UHRF2: variants seen among roughly 807,000 people sequenced by gnomAD.
UHRF2 encodes E3 ubiquitin-protein ligase UHRF2.
UHRF2 carries 23 observed loss-of-function variants against 96.8 expected under a neutral mutation model. The observed-to-expected ratio is 0.24, with a 90% CI of 0.17 to 0.34. UHRF2 has a LOEUF of 0.34. Ranked by LOEUF, UHRF2 falls within the 10% of genes least tolerant of loss-of-function variation. The pLI, the probability that UHRF2 is intolerant of heterozygous loss-of-function variation, is 1.00. For missense variants in UHRF2, 685 were observed against 981.5 expected (o/e 0.70, Z 4.04); for synonymous variants, 385 against 332.6 (o/e 1.16, Z -1.72).
chr9:6,497,686 A>G (rs146800305), intron 11 of UHRF2, among the ~76,000 whole-genome samples: 2,201 of 152,212 alleles, frequency 0.014, 46 homozygotes, highest in African/African-American at 0.049. Context: ...TTTAGTTGTA[A>G]TAGATTTTCA....
chr9:6,459,980 A>G (rs1486132771), intron 3 of UHRF2, among the ~76,000 whole-genome samples: 1 of 152,158 alleles, frequency 6.6e-6, no homozygotes, highest in African/African-American at 2.4e-5. Flanking sequence ...CTCAGAAACC[A>G]AAACAAAACT....
chr9:6,462,045 T>TTC (rs1003683396), intron 4 of UHRF2, among the ~76,000 whole-genome samples: 206 of 151,926 alleles, frequency 1.4e-3, no homozygotes, highest in African/African-American at 4.7e-3. Context: ...TTGTGTCAAG[T>TTC]TCTGATTAAC....
chr9:6,493,195 G>A (rs962226065), intron 9 of UHRF2, among the ~76,000 whole-genome samples: 1 of 152,082 alleles, frequency 6.6e-6, no homozygotes, highest in Admixed American at 6.6e-5. Flanking sequence ...CTGCTTGGGA[G>A]GCTGAGGCAG....
chr9:6,455,130 T>G (rs550749022), intron 3 of UHRF2, among the ~76,000 whole-genome samples: 1 of 152,228 alleles, frequency 6.6e-6, no homozygotes, highest in South Asian at 2.1e-4. Flanking sequence ...GCAGCAGCTT[T>G]TTTGTTTGTT....
intron 1 of UHRF2, among the ~76,000 whole-genome samples, chr9:6,417,232 G>A (rs1819658301): frequency 6.6e-6 from 1 of 152,040 alleles, no homozygotes; most frequent in Non-Finnish European, 1.5e-5. Context: ...CTTGTTACCT[G>A]GAGTTTCTTC....
At chr9:6,465,581 T>G (rs1402968790) in intron 4 of UHRF2, among the ~76,000 whole-genome samples, 2 of 152,218 alleles carry the variant, frequency 1.3e-5, no homozygotes, top group Non-Finnish European at 2.9e-5. Flanking sequence ...GTCATAAATT[T>G]TTTTGGTACC....
At chr9:6,496,029 C>T (rs1207001426) in intron 10 of UHRF2, 5 of 151,768 alleles carry the variant, frequency 3.3e-5, no homozygotes, top group African/African-American at 1.2e-4. Context: ...GAAGCTTCAA[C>T]TCTTTGACCA....
At chr9:6,430,807 C>T (rs890166815) in intron 2 of UHRF2, among the ~76,000 whole-genome samples, 1 of 152,336 alleles carries the variant, frequency 6.6e-6, no homozygotes, top group South Asian at 2.1e-4. Flanking sequence ...CCCTCTGCCT[C>T]CTGACCAAAC....
intron 9 of UHRF2, among the ~76,000 whole-genome samples, chr9:6,490,765 G>A (rs1824610735): frequency 1.3e-5 from 2 of 152,172 alleles, no homozygotes; most frequent in Admixed American, 1.3e-4. Context: ...TCTTAGTTAA[G>A]TCTGTTACAT....
intron 4 of UHRF2, among the ~76,000 whole-genome samples, chr9:6,467,542 G>T (rs1438904715): frequency 5.3e-5 from 8 of 149,850 alleles, no homozygotes; most frequent in Non-Finnish European, 1.2e-4. Context: ...CTTGTTCTAG[G>T]CACTAGTTAC....
At chr9:6,500,833 G>GTGC in intron 14 of UHRF2, 124 bp downstream of exon 14, 1 of 852,386 alleles carries the variant, frequency 1.2e-6, no homozygotes, top group Non-Finnish European at 1.8e-6. Flanking sequence ...TTCTAATCCA[G>GTGC]TGCCACTACC....
At chr9:6,490,040 T>G (rs1318049528) in intron 9 of UHRF2, among the ~76,000 whole-genome samples, 1 of 152,220 alleles carries the variant, frequency 6.6e-6, no homozygotes, top group African/African-American at 2.4e-5. Flanking sequence ...GTTATATAGT[T>G]TATTACAGTC....
chr9:6,470,458 A>C (rs1823175144), intron 4 of UHRF2, among the ~76,000 whole-genome samples: 1 of 152,216 alleles, frequency 6.6e-6, no homozygotes, highest in Non-Finnish European at 1.5e-5. Flanking sequence ...TAAAACCTGA[A>C]AGAATTCACC....
intron 3 of UHRF2, among the ~76,000 whole-genome samples, chr9:6,456,748 T>C (rs1822202936): frequency 1.3e-5 from 2 of 152,242 alleles, no homozygotes; most frequent in South Asian, 4.1e-4. Flanking sequence ...GTTTTCTACA[T>C]GTGGCTAGCC....
intron 15 of UHRF2, among the ~76,000 whole-genome samples, chr9:6,505,000 C>G (rs926938442): frequency 1.3e-5 from 2 of 152,096 alleles, no homozygotes; most frequent in African/African-American, 4.8e-5. Flanking sequence ...TATTATAGCG[C>G]AAACTGGAGT....
intron 8 of UHRF2, among the ~76,000 whole-genome samples, chr9:6,482,365 C>G (rs1477994564): frequency 6.6e-6 from 1 of 152,278 alleles, no homozygotes; most frequent in East Asian, 1.9e-4. Flanking sequence ...GCTTTCTAAA[C>G]AGCCTTTCCT....
rs936555261 is a variant in UHRF2 at position 6,452,352 on chromosome 9, T to A, written c.645-8221T>A. ...AAAGCAAATGTATAGACAGTGTTTC[T>A]GGTAATTAACAGATGCCCCTCTAAG... On this transcript the variant is annotated intron_variant, in intron 3 of 15. Coordinates refer to ENST00000276893, the MANE Select transcript of UHRF2 (RefSeq NM_152896.3). Among the ~76,000 whole-genome samples, 9 of 152,248 alleles carry A rather than the reference T, an allele frequency of 5.9e-5. 1 individual carries two copies. Among genetic ancestry groups the A allele is most frequent in the Non-Finnish European group, 2.9e-5 (2 of 68,040 alleles).
At chr9:6,493,654 T>A (rs186311236) in intron 9 of UHRF2, among the ~76,000 whole-genome samples, 172 bp from the exon 10 acceptor site, 1 of 152,318 alleles carries the variant, frequency 6.6e-6, no homozygotes, top group Admixed American at 6.5e-5. Flanking sequence ...TTATATGACT[T>A]GAAAGTATAC....
chr9:6,495,199 A>G (rs564310850), intron 10 of UHRF2: 7 of 152,324 alleles, frequency 4.6e-5, no homozygotes, highest in African/African-American at 1.7e-4. Context: ...ACATGTTAAG[A>G]TTCCTTTCAC....
Sources: allele counts gnomAD v4.1 joint callset (sites outside exome capture counted in the v4.1 genomes callset), GRCh38; gene constraint gnomAD v4.1.1; transcripts MANE v1.5; gene names NCBI Gene and HGNC (gene_info 2026-07-23, HGNC 2026-07-21).